The following NR3C2 variants were observed in gnomAD, a reference collection of about 807,000 sequenced individuals.
NR3C2 encodes the protein nuclear receptor subfamily 3 group C member 2.
NR3C2 carries 15 observed loss-of-function variants against 86.4 expected under a neutral mutation model. That is an observed-to-expected ratio of 0.17 (90% CI 0.12 to 0.27). The LOEUF is 0.27. Among genes scored for constraint, NR3C2 ranks in the 10% least tolerant of loss-of-function variants. The probability of loss-of-function intolerance (pLI) is 1.00; values close to 1 mark genes in which losing one functional copy is unlikely to be tolerated. For synonymous variants in NR3C2, 458 were observed against 450.5 expected, an observed-to-expected ratio of 1.02 and a Z score of -0.21; for missense variants, 960 against 1,195.6, an observed-to-expected ratio of 0.80 and a Z score of 2.91.
chr4:148,339,772 T>C (rs1744664091), intron 2 of NR3C2, among the ~76,000 whole-genome samples: 1 of 152,118 alleles, frequency 6.6e-6, no homozygotes, highest in Non-Finnish European at 1.5e-5. Context: ...TTATTCTTGT[T>C]CAAAGACAAC....
chr4:148,431,940 G>A (rs1215301245), intron 2 of NR3C2, among the ~76,000 whole-genome samples: 1 of 151,928 alleles, frequency 6.6e-6, no homozygotes, highest in Admixed American at 6.6e-5. Flanking sequence ...TTGTTTATGT[G>A]AGTTACAGTT....
At chr4:148,163,748 T>C (rs1301609951) in intron 4 of NR3C2, among the ~76,000 whole-genome samples, 2 of 152,208 alleles carry the variant, frequency 1.3e-5, no homozygotes, top group African/African-American at 4.8e-5. Flanking sequence ...TAATGGAGAA[T>C]CTATATGTCA....
chr4:148,293,179 A>G (rs1047103750), intron 2 of NR3C2, among the ~76,000 whole-genome samples: 1 of 152,186 alleles, frequency 6.6e-6, no homozygotes, highest in Admixed American at 6.5e-5. Flanking sequence ...ACATGTATAT[A>G]TAATAATATC....
intron 3 of NR3C2, among the ~76,000 whole-genome samples, chr4:148,211,768 A>G (rs1737295784): frequency 1.3e-5 from 2 of 152,230 alleles, no homozygotes; most frequent in Admixed American, 1.3e-4. Context: ...CTGTCAAAAC[A>G]AGGTGGATGG....
chr4:148,385,320 CCT>C (rs1747206642), intron 2 of NR3C2, among the ~76,000 whole-genome samples: 1 of 152,198 alleles, frequency 6.6e-6, no homozygotes, highest in African/African-American at 2.4e-5. Context: ...CCAGACAAGA[CCT>C]TCAAGGTCAA....
chr4:148,239,619 T>A (rs534767008), intron 3 of NR3C2, among the ~76,000 whole-genome samples: 3 of 152,324 alleles, frequency 2.0e-5, no homozygotes, highest in African/African-American at 7.2e-5. Context: ...AGGAAGTGCC[T>A]GGAAGCCACC....
chr4:148,081,305 A>C lies in NR3C2; in HGVS notation c.*39T>G. 6.2e-7 allele frequency: 1 copy of C among 1,614,082 alleles called. No individual in the cohort carries two copies. Among genetic ancestry groups the C allele is most frequent in the Non-Finnish European group, 8.5e-7 (1 of 1,179,930 alleles). On this transcript the variant is annotated 3_prime_UTR_variant, in exon 9 of 9. Coordinates refer to ENST00000358102, the MANE Select transcript of NR3C2 (RefSeq NM_000901.5). The stretch of plus-strand genomic sequence containing the variant: ...GGTCCTTCTGGGTGTGGAACAACAC[A>C]GGGAAACTTAAGGCAAAGTTCTTCT...
At chr4:148,298,742 C>G (rs1200313983) in intron 2 of NR3C2, among the ~76,000 whole-genome samples, 2 of 152,232 alleles carry the variant, frequency 1.3e-5, no homozygotes, top group South Asian at 2.1e-4. Context: ...CACACAAATT[C>G]TAGTTACCCT....
chr4:148,103,059 T>C (rs1031585079), intron 8 of NR3C2, among the ~76,000 whole-genome samples: 2 of 152,178 alleles, frequency 1.3e-5, no homozygotes, highest in Admixed American at 6.5e-5. Context: ...AAAATCAGCA[T>C]GCTTCTCCCT....
chr4:148,247,041 T>C (rs962293748), intron 3 of NR3C2, among the ~76,000 whole-genome samples: 1 of 152,128 alleles, frequency 6.6e-6, no homozygotes, highest in Non-Finnish European at 1.5e-5. Flanking sequence ...CTTTGATAGT[T>C]AAAAAAAGGA....
chr4:148,264,435 T>C (rs142095873), intron 2 of NR3C2, among the ~76,000 whole-genome samples: 4 of 152,350 alleles, frequency 2.6e-5, no homozygotes, highest in Non-Finnish European at 5.9e-5. Flanking sequence ...CAAAGCATGT[T>C]TAGTGATTTG....
chr4:148,353,571 TG>T (rs1561059072), intron 2 of NR3C2, among the ~76,000 whole-genome samples: 18 of 152,190 alleles, frequency 1.2e-4, no homozygotes, highest in Admixed American at 2.6e-4. Context: ...TTTAAAAATA[TG>T]TATAGACAGG....
intron 2 of NR3C2, among the ~76,000 whole-genome samples, chr4:148,352,480 C>T (rs1279940717): frequency 6.6e-6 from 1 of 151,814 alleles, no homozygotes; most frequent in Non-Finnish European, 1.5e-5. Flanking sequence ...ATTCTCTTCA[C>T]CCAGGGGTTG....
At chr4:148,240,798 G>A (rs1350979322) in intron 3 of NR3C2, among the ~76,000 whole-genome samples, 4 of 152,194 alleles carry the variant, frequency 2.6e-5, no homozygotes, top group Non-Finnish European at 5.9e-5. Flanking sequence ...CGTCCTTGCT[G>A]CTGTGAGATT....
chr4:148,440,886 T>C (rs1358500324), intron 1 of NR3C2, among the ~76,000 whole-genome samples: 2 of 152,228 alleles, frequency 1.3e-5, no homozygotes, highest in African/African-American at 2.4e-5. Context: ...CTCATCATGA[T>C]GGAAATGATA....
At chr4:148,220,017 G>A (rs1283664602) in intron 3 of NR3C2, among the ~76,000 whole-genome samples, 2 of 152,050 alleles carry the variant, frequency 1.3e-5, no homozygotes, top group East Asian at 3.9e-4. Context: ...CAACTTCCCA[G>A]GCTCAAGCAG....
chr4:148,403,412 A>T (rs896381918), intron 2 of NR3C2, among the ~76,000 whole-genome samples: 1 of 152,068 alleles, frequency 6.6e-6, no homozygotes, highest in African/African-American at 2.4e-5. Flanking sequence ...TTTCCATTAG[A>T]AAGTAGCCAA....
intron 2 of NR3C2, among the ~76,000 whole-genome samples, chr4:148,410,028 T>C (rs1176928496): frequency 6.6e-6 from 1 of 152,150 alleles, no homozygotes; most frequent in Non-Finnish European, 1.5e-5. Flanking sequence ...TAACTACCAT[T>C]ATACATGATG....
chr4:148,296,542 G>T (rs150466172), intron 2 of NR3C2, among the ~76,000 whole-genome samples: 2 of 151,050 alleles, frequency 1.3e-5, no homozygotes, highest in South Asian at 2.1e-4. Context: ...CTAATGATTC[G>T]CTGTCTTTGT....
Sources: allele counts gnomAD v4.1 joint callset (sites outside exome capture counted in the v4.1 genomes callset), GRCh38; gene constraint gnomAD v4.1.1; transcripts MANE v1.5; gene names NCBI Gene and HGNC (gene_info 2026-07-23, HGNC 2026-07-21).